The following SNTG1 variants were observed in gnomAD, a reference collection of about 807,000 sequenced individuals.
The protein encoded by SNTG1 is syntrophin gamma 1.
A neutral mutation model predicts 74.7 loss-of-function variants in SNTG1; 39 were observed. The ratio of observed to expected loss-of-function variants is 0.52; its 90% CI spans 0.40 to 0.68. The LOEUF is 0.68. Ranked by LOEUF, SNTG1 falls within the 30% of genes least tolerant of loss-of-function variation. The pLI, the probability that SNTG1 is intolerant of heterozygous loss-of-function variation, is 0.00. For missense variants in SNTG1, 685 were observed against 609.5 expected (o/e 1.12, Z -1.30); for synonymous variants, 254 against 217.1 (o/e 1.17, Z -1.49).
At position 50,708,899 on chromosome 8, in the gene SNTG1, C is replaced by A. The variant is rs1563770152; in HGVS notation, c.1205C>A (p.Ala402Glu). The A allele has an allele frequency of 6.2e-6, 10 of 1,612,502 alleles. No homozygotes were observed. Among genetic ancestry groups the A allele is most frequent in the Non-Finnish European group, 8.5e-6 (10 of 1,178,720 alleles). ...EVERIQCKTY[A>E]CVLESHLMGL... Reference sequence around the variant, plus strand: ...TGTTCTACCTAGTGCAAGACCTATGCATGTGTGCTAGAAAGTCATCTAATG... The same window carrying A: ...TGTTCTACCTAGTGCAAGACCTATGAATGTGTGCTAGAAAGTCATCTAATG... The change falls in exon 17 of 19, where the codon GCA (alanine) becomes GAA (glutamate). Residue 402 changes from alanine (A) to glutamate (E), a missense_variant. Physicochemically the swap from Ala to Glu is moderately radical, Grantham distance 107. Transcript: ENST00000642720.
chr8:50,315,504 A>G (rs1032409372), intron 2 of SNTG1, among the ~76,000 whole-genome samples: 4 of 150,000 alleles, frequency 2.7e-5, no homozygotes, highest in Admixed American at 6.7e-5. Context: ...TAGATAAAAA[A>G]TAAAATGTTA....
intron 13 of SNTG1, among the ~76,000 whole-genome samples, chr8:50,606,151 C>T (rs1028433084): frequency 2.0e-5 from 3 of 152,090 alleles, no homozygotes; most frequent in Non-Finnish European, 4.4e-5. Flanking sequence ...GAATCTTGCT[C>T]TTTCTAAACA....
intron 2 of SNTG1, among the ~76,000 whole-genome samples, chr8:50,212,156 T>C (rs1362010163): frequency 6.6e-6 from 1 of 152,162 alleles, no homozygotes; most frequent in Non-Finnish European, 1.5e-5. Context: ...TAATACAAAC[T>C]CAGCAATTTC....
chr8:50,000,375 T>C (rs1373461276), intron 1 of SNTG1, among the ~76,000 whole-genome samples: 1 of 152,186 alleles, frequency 6.6e-6, no homozygotes, highest in African/African-American at 2.4e-5. Flanking sequence ...AATCACAGAA[T>C]GCTAGAAGTG....
chr8:50,419,370 G>C (rs903669823), intron 4 of SNTG1, among the ~76,000 whole-genome samples: 6 of 152,184 alleles, frequency 3.9e-5, no homozygotes, highest in Admixed American at 3.9e-4. Context: ...ATGTTCTCCA[G>C]CTCTGTCTGC....
chr8:50,460,802 T>C (rs1273570244), intron 8 of SNTG1, among the ~76,000 whole-genome samples: 3 of 152,176 alleles, frequency 2.0e-5, no homozygotes, highest in Non-Finnish European at 2.9e-5. Context: ...TGTGGGCATA[T>C]GGTTTTATAT....
At chr8:50,642,742 T>C (rs576935264) in intron 13 of SNTG1, among the ~76,000 whole-genome samples, 5 of 152,342 alleles carry the variant, frequency 3.3e-5, no homozygotes, top group African/African-American at 9.6e-5. Context: ...ATTTTCTGTC[T>C]TCTTTTCCTT....
chr8:50,666,861 T>A (rs913927187), intron 15 of SNTG1, among the ~76,000 whole-genome samples: 1 of 152,036 alleles, frequency 6.6e-6, no homozygotes, highest in Non-Finnish European at 1.5e-5. Context: ...CTTCAATAAA[T>A]AATGTGTCAA....
intron 2 of SNTG1, among the ~76,000 whole-genome samples, chr8:50,225,602 T>G (rs1194634212): frequency 6.6e-6 from 1 of 152,180 alleles, no homozygotes; most frequent in Non-Finnish European, 1.5e-5. Context: ...TCACAGGATC[T>G]CCTAACTCAT....
At chr8:50,689,460 G>C (rs570251761) in intron 15 of SNTG1, among the ~76,000 whole-genome samples, 1 of 152,168 alleles carries the variant, frequency 6.6e-6, no homozygotes, top group East Asian at 1.9e-4. Flanking sequence ...AGCATGAAGC[G>C]TTGTTGAATT....
intron 17 of SNTG1, among the ~76,000 whole-genome samples, chr8:50,746,215 T>C (rs983049761): frequency 6.6e-6 from 1 of 151,976 alleles, no homozygotes; most frequent in Non-Finnish European, 1.5e-5. Flanking sequence ...GTAATCAAGA[T>C]ATGGAGTTTT....
chr8:50,366,000 C>T lies in SNTG1; in HGVS notation c.-27-28212C>T, dbSNP rs574011679. 1.1e-4 allele frequency among the ~76,000 whole-genome samples: 17 copies of T among 152,226 alleles called. No individual in the cohort carries two copies. In the South Asian group the frequency reaches 3.3e-3, roughly 30 times the overall value. ...AATAACCAGTTGACTGTATTTTAAA[C>T]ACCCAAATTAATTGGCATGCCTATT... On this transcript the variant is annotated intron_variant, in intron 2 of 18. Transcript: ENST00000642720.
chr8:50,402,607 T>C (rs2092821294), intron 4 of SNTG1, among the ~76,000 whole-genome samples: 1 of 152,194 alleles, frequency 6.6e-6, no homozygotes, highest in Non-Finnish European at 1.5e-5. Context: ...ACACTGTATT[T>C]TCTGATTATT....
intron 15 of SNTG1, 132 bp downstream of exon 15, chr8:50,658,795 G>A: frequency 1.6e-6 from 1 of 612,484 alleles, no homozygotes; most frequent in East Asian, 3.1e-5. Flanking sequence ...AAATGAAAGA[G>A]AAAGAAAATA....
At chr8:49,938,593 TTTTCTTTTCTTTTCTTTCTTTC>T (rs1808336274) in intron 1 of SNTG1, among the ~76,000 whole-genome samples, 2 of 21,214 alleles carry the variant, frequency 9.4e-5, no homozygotes, top group African/African-American at 2.5e-4. Flanking sequence ...TTTTCTTTTC[TTTTCTTTTCTTTTCTTTCTTTC>T]TTTCTTTCTT....
At position 50,666,007 on chromosome 8, in the gene SNTG1, A is replaced by T. The variant is rs190435046; in HGVS notation, c.1038+7344A>T. 2.4e-3 allele frequency among the ~76,000 whole-genome samples: 366 copies of T among 152,292 alleles called. 5 individuals are homozygous for T. Among genetic ancestry groups the T allele is most frequent in the African/African-American group, 7.6e-3 (318 of 41,574 alleles). On this transcript the variant is annotated intron_variant, in intron 15 of 18. Coordinates refer to ENST00000642720, the MANE Select transcript of SNTG1 (RefSeq NM_018967.5). The stretch of plus-strand genomic sequence containing the variant: ...TAAAGCAACACATCAAAAATTATGC[A>T]TGTCTGATAGGGAGACAGACTATAA...
At chr8:50,437,950 A>G (rs896161465) in intron 4 of SNTG1, among the ~76,000 whole-genome samples, 2 of 152,216 alleles carry the variant, frequency 1.3e-5, no homozygotes, top group Admixed American at 1.3e-4. Context: ...ACTGATTGTT[A>G]AAGTTGATAA....
At chr8:50,468,172 T>C (rs754916225) in intron 8 of SNTG1, among the ~76,000 whole-genome samples, 3 of 152,068 alleles carry the variant, frequency 2.0e-5, no homozygotes, top group Non-Finnish European at 4.4e-5. Context: ...TCAGTCCAAC[T>C]GTATTTTTAA....
chr8:50,519,299 T>C (rs2130123430), intron 9 of SNTG1, among the ~76,000 whole-genome samples: 1 of 152,316 alleles, frequency 6.6e-6, no homozygotes, highest in Admixed American at 6.5e-5. Flanking sequence ...TGATGGAATG[T>C]ATCTCAAAAT....
Sources: allele counts gnomAD v4.1 joint callset (sites outside exome capture counted in the v4.1 genomes callset), GRCh38; gene constraint gnomAD v4.1.1; transcripts MANE v1.5; gene names NCBI Gene and HGNC (gene_info 2026-07-23, HGNC 2026-07-21).